AUTS2: variants seen among roughly 807,000 people sequenced by gnomAD.
The protein encoded by AUTS2 is activator of transcription and developmental regulator AUTS2.
In AUTS2, 17 loss-of-function variants were observed where a neutral mutation model predicts 112.4. The ratio of observed to expected loss-of-function variants is 0.15; its 90% CI spans 0.10 to 0.23. The LOEUF is 0.23. Ranked by LOEUF, AUTS2 falls within the 10% of genes least tolerant of loss-of-function variation. AUTS2 has a pLI of 1.00. For missense variants in AUTS2, 1,510 were observed against 1,701.6 expected (o/e 0.89, Z 1.98); for synonymous variants, 751 against 702.7 (o/e 1.07, Z -1.09).
At position 69,840,161 on chromosome 7, in the gene AUTS2, A is replaced by G. The variant is rs905287648; in HGVS notation, c.310-59125A>G. 5.9e-5 allele frequency among the ~76,000 whole-genome samples: 9 copies of G among 152,244 alleles called. No individual in the cohort carries two copies. In the South Asian group the frequency reaches 1.7e-3, roughly 28 times the overall value. On this transcript the variant is annotated intron_variant, in intron 1 of 18. Transcript: ENST00000342771. ...TAGTTGATTCCCATATTATACTTCA[A>G]TTGTGTGTCAGTGAGTAGGTCTGTA...
intron 2 of AUTS2, among the ~76,000 whole-genome samples, chr7:69,999,402 C>G (rs767711068): frequency 7.2e-5 from 11 of 152,088 alleles, no homozygotes; most frequent in Non-Finnish European, 1.3e-4. Flanking sequence ...AATTTTCCCC[C>G]TACTTTTTAA....
chr7:69,677,850 T>C (rs1796624955), intron 1 of AUTS2, among the ~76,000 whole-genome samples: 1 of 152,182 alleles, frequency 6.6e-6, no homozygotes, highest in Non-Finnish European at 1.5e-5. Flanking sequence ...ATTTGCAAAT[T>C]ACATAGCTTT....
chr7:70,403,669 C>G (rs1794416935), intron 4 of AUTS2, among the ~76,000 whole-genome samples: 1 of 152,212 alleles, frequency 6.6e-6, no homozygotes, highest in African/African-American at 2.4e-5. Context: ...GGAGACATCT[C>G]TCAGCTCCCT....
intron 4 of AUTS2, among the ~76,000 whole-genome samples, chr7:70,348,978 T>C (rs1413579886): frequency 6.6e-6 from 1 of 152,218 alleles, no homozygotes; most frequent in African/African-American, 2.4e-5. Context: ...TCTTAAGAAC[T>C]TTTTTAAATA....
chr7:69,947,277 C>T (rs982152709), intron 2 of AUTS2, among the ~76,000 whole-genome samples: 1 of 151,998 alleles, frequency 6.6e-6, no homozygotes, highest in Non-Finnish European at 1.5e-5. Context: ...CAGTGCTTGC[C>T]GACTTCACAA....
rs373837911 is a variant in AUTS2 at position 70,495,338 on chromosome 7, A to G, written c.690+59557A>G. The stretch of plus-strand genomic sequence containing the variant: ...GTTCCTTTTGGGGCTCACTGTTCAA[A>G]GAACCAGGATTAATCTCTGTTTTCG... On this transcript the variant is annotated intron_variant, in intron 5 of 18. Transcript: ENST00000342771. Among the ~76,000 whole-genome samples the G allele has an allele frequency of 3.9e-5, 6 of 152,002 alleles. No homozygotes were observed. In the East Asian group the frequency reaches 1.2e-3, roughly 29 times the overall value.
At chr7:69,955,798 G>A (rs1405110698) in intron 2 of AUTS2, among the ~76,000 whole-genome samples, 1 of 152,122 alleles carries the variant, frequency 6.6e-6, no homozygotes, top group African/African-American at 2.4e-5. Flanking sequence ...ATTGGCCACT[G>A]TGGGACTCCC....
intron 1 of AUTS2, among the ~76,000 whole-genome samples, chr7:69,781,384 T>C (rs375045313): frequency 6.6e-6 from 1 of 152,366 alleles, no homozygotes; most frequent in East Asian, 1.9e-4. Context: ...ATTTATGGTA[T>C]TGGCCAAGAA....
At chr7:70,586,781 C>T (rs949782216) in intron 5 of AUTS2, among the ~76,000 whole-genome samples, 2 of 152,188 alleles carry the variant, frequency 1.3e-5, no homozygotes, top group Non-Finnish European at 2.9e-5. Context: ...ATTTACTGTT[C>T]CTGTCCTTGA....
At chr7:70,214,622 G>A (rs529069733) in intron 4 of AUTS2, among the ~76,000 whole-genome samples, 55 of 152,158 alleles carry the variant, frequency 3.6e-4, no homozygotes, top group African/African-American at 1.2e-3. Context: ...CATACTCCCC[G>A]ACAGCCAGCA....
At chr7:70,244,808 AAACTT>A (rs1812809328) in intron 4 of AUTS2, among the ~76,000 whole-genome samples, 1 of 152,186 alleles carries the variant, frequency 6.6e-6, no homozygotes, top group South Asian at 2.1e-4. Flanking sequence ...TAGAAACACT[AAACTT>A]AACTGATAAA....
At chr7:70,180,989 A>C (rs926012271) in intron 4 of AUTS2, among the ~76,000 whole-genome samples, 24 of 152,180 alleles carry the variant, frequency 1.6e-4, no homozygotes, top group African/African-American at 5.6e-4. Context: ...TTATGTTACT[A>C]ATTTCTTTAT....
At chr7:69,806,200 T>A (rs1253256266) in intron 1 of AUTS2, among the ~76,000 whole-genome samples, 413 of 115,184 alleles carry the variant, frequency 3.6e-3, no homozygotes, top group African/African-American at 0.013. Context: ...GCCAAGGCTT[T>A]TTTTTTTTTT....
chr7:70,270,758 G>A (rs530678078), intron 4 of AUTS2, among the ~76,000 whole-genome samples: 1 of 152,238 alleles, frequency 6.6e-6, no homozygotes, highest in African/African-American at 2.4e-5. Flanking sequence ...AGCAGAATGA[G>A]GTGTACTTCT....
chr7:70,107,719 A>G (rs182489498), intron 2 of AUTS2, among the ~76,000 whole-genome samples: 1 of 151,082 alleles, frequency 6.6e-6, no homozygotes, highest in Admixed American at 6.6e-5. Context: ...GTTCTCAAAT[A>G]TTCTAGAACA....
At chr7:70,241,116 C>T (rs917456284) in intron 4 of AUTS2, among the ~76,000 whole-genome samples, 2 of 152,146 alleles carry the variant, frequency 1.3e-5, no homozygotes, top group Non-Finnish European at 2.9e-5. Context: ...AATTACAAAG[C>T]GGATTCATGG....
chr7:70,266,262 A>G lies in AUTS2; in HGVS notation c.660+131691A>G, dbSNP rs377110296. Among the ~76,000 whole-genome samples, 131 of 152,358 alleles carry G rather than the reference A, an allele frequency of 8.6e-4. 3 individuals are homozygous for G. In the South Asian group the frequency reaches 0.027, roughly 32 times the overall value. ...TACAGCATGGCTGAACCTTGGAAAC[A>G]TTATGCTAAGTGAAAGAAGCCAGAC... On this transcript the variant is annotated intron_variant, in intron 4 of 18. Coordinates refer to ENST00000342771, the MANE Select transcript of AUTS2 (RefSeq NM_015570.4).
chr7:70,102,165 C>G (rs1001999037), intron 2 of AUTS2, among the ~76,000 whole-genome samples: 3 of 144,818 alleles, frequency 2.1e-5, no homozygotes, highest in Non-Finnish European at 4.5e-5. Context: ...TTCGCCCAGG[C>G]TGGAGTGCAG....
intron 5 of AUTS2, among the ~76,000 whole-genome samples, chr7:70,561,141 T>G (rs569956399): frequency 6.6e-6 from 1 of 152,330 alleles, no homozygotes; most frequent in African/African-American, 2.4e-5. Flanking sequence ...GTTTTCATTT[T>G]TCCTTTCTAA....
Sources: allele counts gnomAD v4.1 joint callset (sites outside exome capture counted in the v4.1 genomes callset), GRCh38; gene constraint gnomAD v4.1.1; transcripts MANE v1.5; gene names NCBI Gene and HGNC (gene_info 2026-07-23, HGNC 2026-07-21).